The following JMJD6 variants were observed in gnomAD, a reference collection of about 807,000 sequenced individuals.
JMJD6 encodes the protein jumonji domain containing 6, arginine demethylase and lysine hydroxylase.
A neutral mutation model predicts 45.8 loss-of-function variants in JMJD6; 17 were observed. That is an observed-to-expected ratio of 0.37 (90% confidence interval 0.25 to 0.56). The LOEUF (loss-of-function observed/expected upper bound fraction) is 0.56, where lower values mean the gene tolerates loss of function less well. Among genes scored for constraint, JMJD6 ranks in the 20% least tolerant of loss-of-function variants. The pLI is 0.79. For missense variants in JMJD6, 470 were observed against 517.5 expected (o/e 0.91, Z 0.89); for synonymous variants, 221 against 196.3 (o/e 1.13, Z -1.05).
At position 76,724,023 on chromosome 17, in the gene JMJD6, C is replaced by T; in HGVS notation, c.554G>A (p.Gly185Glu). The stretch of plus-strand genomic sequence containing the variant: ...GGTTCCCAGAGGGTCGATGTGAATC[C>T]CAGTTCCGGAGCGTGGTGGCCCCAT... ...FVMGPPRSGT[G>E]IHIDPLGTSA... is the part of the protein sequence containing the mutation. The change falls in exon 3 of 6, where the codon GGG (glycine) becomes GAG (glutamate). Residue 185 changes from glycine to glutamate, a missense_variant. This residue lies in a region of JMJD6 where 346 missense variants were observed against 339.5 expected (regional missense o/e 1.02). Transcript: ENST00000397625. 6.2e-7 allele frequency: 1 copy of T among 1,614,108 alleles called. No individual in the cohort carries two copies. Among genetic ancestry groups the T allele is most frequent in the Non-Finnish European group, 8.5e-7 (1 of 1,180,010 alleles).
Position 76,726,510 on chromosome 17 carries a change from C to A in JMJD6, c.-35G>T, listed in dbSNP as rs749088772. 2 of 1,570,400 alleles carry A rather than the reference C, an allele frequency of 1.3e-6. No individual in the cohort carries two copies. The highest frequency in any genetic ancestry group is 3.7e-5 in the Admixed American group (2 of 53,822). ...TCGCCAGCTGGTTCCGCTACGACCT[C>A]GGCGCAGCCCGCTTCCTGACACTAA... On this transcript the variant is annotated 5_prime_UTR_variant, in exon 1 of 6. Transcript: ENST00000397625.
intron 3 of JMJD6, among the ~76,000 whole-genome samples, chr17:76,723,176 C>T (rs2076849907): frequency 6.6e-6 from 1 of 151,986 alleles, no homozygotes; most frequent in Non-Finnish European, 1.5e-5. Flanking sequence ...GAACTCCCGA[C>T]CTCAAGTGAT....
rs1450634619 is a variant in JMJD6 at position 76,726,350 on chromosome 17, C to T, written c.126G>A (p.Val42=). ...YESFSLSPAA[V]ADNVERADAL... ...CACCCCCGCCCGACCCGCTCACCGC[C>T]ACGGCCGCCGGGCTCAGCGAGAAGC... The change falls in exon 1 of 6, where the codon GTG becomes GTA. Residue 42 remains valine, a synonymous_variant. Coordinates refer to ENST00000397625, the MANE Select transcript of JMJD6 (RefSeq NM_015167.3). 10 of 1,582,588 alleles carry T rather than the reference C, an allele frequency of 6.3e-6. No homozygotes were observed. The highest frequency in any genetic ancestry group is 1.1e-5 in the South Asian group (1 of 87,366).
intron 4 of JMJD6, chr17:76,721,529 C>A: frequency 2.1e-6 from 1 of 465,826 alleles, no homozygotes; most frequent in East Asian, 3.5e-5. Flanking sequence ...AAACACAAAA[C>A]AAAACGAGAA....
At chr17:76,714,087 G>A (rs996132371), downstream of JMJD6, 3 of 152,176 alleles carry the variant, frequency 2.0e-5, no homozygotes, top group Non-Finnish European at 4.4e-5. Flanking sequence ...AAATGTGAAT[G>A]TCCCTCTTTT....
At position 76,721,893 on chromosome 17, in the gene JMJD6, G is replaced by A. The variant is rs181727223; in HGVS notation, c.846C>T (p.Ile282=). The A allele has an allele frequency of 2.8e-4, 457 of 1,614,128 alleles. No individual in the cohort carries two copies. Among genetic ancestry groups the A allele is most frequent in the Admixed American group, 5.5e-4 (33 of 60,014 alleles). Reference sequence around the variant, plus strand: ...TGCTGGCAAAATTTTGGGTGATGGCGATAGTAGTGTCGAGATTGAGGACAA... The same window carrying A: ...TGCTGGCAAAATTTTGGGTGATGGCAATAGTAGTGTCGAGATTGAGGACAA... The part of the protein sequence containing the change: ...WHVVLNLDTT[I]AITQNFASST... The change falls in exon 4 of 6, where the codon ATC becomes ATT. Residue 282 remains isoleucine (I), a synonymous_variant. Coordinates refer to ENST00000397625, the MANE Select transcript of JMJD6 (RefSeq NM_015167.3).
At chr17:76,716,456 T>C (rs1372888203), downstream of JMJD6, 3 of 526,400 alleles carry the variant, frequency 5.7e-6, no homozygotes, top group Non-Finnish European at 1.0e-5. Flanking sequence ...CAACATCCCA[T>C]TAGCTTCAGT....
Position 76,725,778 on chromosome 17 carries a change from G to T in JMJD6, c.207C>A (p.Pro69=). 6.2e-7 allele frequency: 1 copy of T among 1,613,920 alleles called. No individual in the cohort carries two copies. The highest frequency in any genetic ancestry group is 1.1e-5 in the South Asian group (1 of 91,078). The change falls in exon 2 of 6, where the codon CCC becomes CCA. Residue 69 remains proline, a synonymous_variant. Coordinates refer to ENST00000397625, the MANE Select transcript of JMJD6 (RefSeq NM_015167.3). ...FVERYERPYK[P]VVLLNAQEGW... Reference sequence around the variant, plus strand: ...CCTCTTGCGCATTCAACAAAACCACGGGCTTGTAAGGTCTTTCATACCGCT... The same window carrying T: ...CCTCTTGCGCATTCAACAAAACCACTGGCTTGTAAGGTCTTTCATACCGCT...
In JMJD6 at chr17:76,724,056, C is replaced by G; in HGVS notation, c.521G>C (p.Trp174Ser). The G allele has an allele frequency of 6.2e-7, 1 of 1,613,472 alleles. No individual in the cohort carries two copies. Residue 174 changes from tryptophan to serine, a missense_variant and splice_region_variant, in exon 3 of 6, where the codon TGG (tryptophan) becomes TCG (serine). Physicochemically the swap from Trp to Ser is radical, Grantham distance 177. Coordinates refer to ENST00000397625, the MANE Select transcript of JMJD6 (RefSeq NM_015167.3). ...AGEKRRPPYR[W>S]FVMGPPRSGT... The stretch of plus-strand genomic sequence containing the variant: ...GGAGCGTGGTGGCCCCATCACAAAC[C>G]ACCTACAGAATGGAGATATCCAAGA...
chr17:76,720,099 C>G (rs149315086), intron 5 of JMJD6, among the ~76,000 whole-genome samples: 1 of 152,128 alleles, frequency 6.6e-6, no homozygotes, highest in Non-Finnish European at 1.5e-5. Context: ...GAGCCGAGAT[C>G]GCGCCATTGC....
chr17:76,722,225 G>C (rs566922255), intron 3 of JMJD6, among the ~76,000 whole-genome samples: 1 of 152,098 alleles, frequency 6.6e-6, no homozygotes, highest in Admixed American at 6.6e-5. Flanking sequence ...TTGACTCCCC[G>C]GCCCTTTATA....
chr17:76,717,955 C>A (rs2076778566), downstream of JMJD6, among the ~76,000 whole-genome samples: 1 of 150,716 alleles, frequency 6.6e-6, no homozygotes, highest in African/African-American at 2.4e-5. Flanking sequence ...CGCATCACTG[C>A]ACTCCAGCCT....
chr17:76,721,172 C>A, intron 4 of JMJD6: 1 of 238,232 alleles, frequency 4.2e-6, no homozygotes, highest in East Asian at 9.3e-5. Flanking sequence ...CCTCAGATGC[C>A]CAAGAGTCCA....
At chr17:76,721,667 G>A (rs2076826239) in intron 4 of JMJD6, 131 bp downstream of exon 4, 6 of 1,022,898 alleles carry the variant, frequency 5.9e-6, no homozygotes, top group African/African-American at 1.6e-5. Context: ...CCTCTACCCA[G>A]AGGGTCGGCA....
At chr17:76,723,625 T>A in intron 3 of JMJD6, 147 bp downstream of exon 3, 2 of 736,916 alleles carry the variant, frequency 2.7e-6, no homozygotes, top group Non-Finnish European at 4.4e-6. Context: ...GTATTTTTAG[T>A]AGAGACGGGG....
At chr17:76,722,675 G>A (rs1020153302) in intron 3 of JMJD6, among the ~76,000 whole-genome samples, 1 of 151,680 alleles carries the variant, frequency 6.6e-6, no homozygotes, top group Non-Finnish European at 1.5e-5. Context: ...ATGAAACCCC[G>A]TCTCTACTAA....
At position 76,721,951 on chromosome 17, in the gene JMJD6, AAC is replaced by A; in HGVS notation, c.806-20_806-19del. On this transcript the variant is annotated intron_variant, in intron 3 of 5. Transcript: ENST00000397625. ...CCAGCCTCCTGAAATCCAACAAATA[AAC>A]AGTTAAACAAGGTTTGATCCTATAC... The A allele has an allele frequency of 1.2e-6, 2 of 1,613,622 alleles. No homozygotes were observed. The highest frequency in any genetic ancestry group is 1.7e-6 in the Non-Finnish European group (2 of 1,179,720).
chr17:76,717,734 T>C (rs1315469068), downstream of JMJD6, among the ~76,000 whole-genome samples: 1 of 152,042 alleles, frequency 6.6e-6, no homozygotes, highest in Non-Finnish European at 1.5e-5. Flanking sequence ...CTCACATCTG[T>C]AATACCAGCA....
downstream of JMJD6, among the ~76,000 whole-genome samples, chr17:76,717,738 A>C (rs1268945849): frequency 2.6e-5 from 4 of 151,566 alleles, no homozygotes; most frequent in East Asian, 3.9e-4. Flanking sequence ...CATCTGTAAT[A>C]CCAGCACTTT....
Sources: allele counts gnomAD v4.1 joint callset (sites outside exome capture counted in the v4.1 genomes callset), GRCh38; gene constraint gnomAD v4.1.1; regional missense constraint gnomAD v4.1.1; transcripts MANE v1.5; gene names NCBI Gene and HGNC (gene_info 2026-07-23, HGNC 2026-07-21).